The following BMPR1B variants were observed in gnomAD, a reference collection of about 807,000 sequenced individuals.
BMPR1B encodes the protein bone morphogenetic protein receptor type-1B.
BMPR1B carries 12 observed loss-of-function variants against 59.1 expected under a neutral mutation model. That is an observed-to-expected ratio of 0.20 (90% CI 0.13 to 0.33). The LOEUF (loss-of-function observed/expected upper bound fraction) is 0.33, where lower values mean the gene tolerates loss of function less well. Among genes scored for constraint, BMPR1B ranks in the 10% least tolerant of loss-of-function variants. The pLI is 1.00. For synonymous variants in BMPR1B, 237 were observed against 207.3 expected, an observed-to-expected ratio of 1.14 and a Z score of -1.23; for missense variants, 550 against 610.9, an observed-to-expected ratio of 0.90 and a Z score of 1.05.
intron 2 of BMPR1B, among the ~76,000 whole-genome samples, chr4:94,916,414 G>A (rs771025894): frequency 7.2e-5 from 11 of 152,196 alleles, no homozygotes; most frequent in Admixed American, 2.0e-4. Context: ...GGAACTTACT[G>A]GGAACTGGAC....
At chr4:94,928,544 A>G (rs750576894) in intron 2 of BMPR1B, among the ~76,000 whole-genome samples, 11 of 149,946 alleles carry the variant, frequency 7.3e-5, no homozygotes, top group Admixed American at 1.3e-4. Flanking sequence ...CCCTCCTCCT[A>G]TGTTGTCATG....
Position 95,036,236 on chromosome 4 carries a change from T to G in BMPR1B, c.-18+40102T>G, listed in dbSNP as rs1483956000. Among the ~76,000 whole-genome samples, 3 of 152,164 alleles carry G rather than the reference T, an allele frequency of 2.0e-5. No homozygotes were observed. In the East Asian group the frequency reaches 5.8e-4, roughly 29 times the overall value. ...AAGCATTTATCCTTAGTTTTACTCTTTTCATTATTTTAAAATGTATAATTA... is the reference window on the plus strand; with the variant it reads ...AAGCATTTATCCTTAGTTTTACTCTGTTCATTATTTTAAAATGTATAATTA... On this transcript the variant is annotated intron_variant, in intron 3 of 12. Coordinates refer to ENST00000515059, the MANE Select transcript of BMPR1B (RefSeq NM_001203.3).
At chr4:94,997,844 A>G (rs1369518546) in intron 3 of BMPR1B, among the ~76,000 whole-genome samples, 3 of 152,066 alleles carry the variant, frequency 2.0e-5, no homozygotes, top group African/African-American at 7.2e-5. Flanking sequence ...TTTATTCAGT[A>G]TCTTTTATTT....
At chr4:95,117,144 G>A (rs1732129432) in intron 6 of BMPR1B, among the ~76,000 whole-genome samples, 1 of 152,108 alleles carries the variant, frequency 6.6e-6, no homozygotes, top group South Asian at 2.1e-4. Context: ...AGGATGAAGA[G>A]GAGTGTGCTA....
At chr4:94,909,513 A>G (rs1289103281) in intron 2 of BMPR1B, among the ~76,000 whole-genome samples, 1 of 152,042 alleles carries the variant, frequency 6.6e-6, no homozygotes, top group East Asian at 1.9e-4. Context: ...TCTTGTAAAG[A>G]TGAAAAGATT....
At chr4:94,759,392 A>G (rs888794328) in intron 1 of BMPR1B, among the ~76,000 whole-genome samples, 4 of 152,250 alleles carry the variant, frequency 2.6e-5, no homozygotes, top group African/African-American at 7.2e-5. Flanking sequence ...AAAAGGCTCC[A>G]CTGGAAATGA....
chr4:94,933,445 G>A (rs1226196193), intron 2 of BMPR1B, among the ~76,000 whole-genome samples: 1 of 151,950 alleles, frequency 6.6e-6, no homozygotes, highest in African/African-American at 2.4e-5. Context: ...ATGTAGTTAT[G>A]TTTGCATAAT....
At chr4:94,999,427 CGT>C (rs70946577) in intron 3 of BMPR1B, among the ~76,000 whole-genome samples, 2,935 of 148,084 alleles carry the variant, frequency 0.02, 83 homozygotes, top group African/African-American at 0.066. Context: ...CAGTGTTGTG[CGT>C]GTGTGTGTGT....
intron 3 of BMPR1B, among the ~76,000 whole-genome samples, chr4:95,081,815 T>C (rs1186373861): frequency 6.6e-5 from 10 of 152,204 alleles, no homozygotes; most frequent in Admixed American, 5.2e-4. Flanking sequence ...ATTCTTAATA[T>C]GTCAATCACA....
At chr4:95,064,547 GACTGAGGACTGC>G in intron 3 of BMPR1B, among the ~76,000 whole-genome samples, 1 of 152,048 alleles carries the variant, frequency 6.6e-6, no homozygotes, top group Non-Finnish European at 1.5e-5. Flanking sequence ...GTGCCGCAAA[GACTGAGGACTGC>G]TGTTTTAGAG....
At chr4:94,814,027 A>G (rs1326306679) in intron 1 of BMPR1B, among the ~76,000 whole-genome samples, 2 of 152,202 alleles carry the variant, frequency 1.3e-5, no homozygotes, top group Non-Finnish European at 2.9e-5. Context: ...TGTATATACA[A>G]GTCGGAATCA....
At chr4:94,903,756 T>G (rs186015059) in intron 2 of BMPR1B, among the ~76,000 whole-genome samples, 21 of 152,060 alleles carry the variant, frequency 1.4e-4, no homozygotes, top group African/African-American at 3.4e-4. Flanking sequence ...GGTGTCCTTA[T>G]AAGAAGAAGG....
intron 3 of BMPR1B, among the ~76,000 whole-genome samples, chr4:95,064,085 T>G (rs1322770681): frequency 4.6e-5 from 7 of 152,150 alleles, no homozygotes; most frequent in African/African-American, 1.7e-4. Flanking sequence ...ATATCATTTA[T>G]AGGTATAGAT....
chr4:94,994,692 T>C (rs1027226726), intron 2 of BMPR1B, among the ~76,000 whole-genome samples: 49 of 140,542 alleles, frequency 3.5e-4, no homozygotes, highest in African/African-American at 1.1e-3. Context: ...TTCTTATGTG[T>C]AACTTTTTTT....
At chr4:95,088,753 A>C (rs1729770382) in intron 3 of BMPR1B, among the ~76,000 whole-genome samples, 1 of 151,986 alleles carries the variant, frequency 6.6e-6, no homozygotes, top group African/African-American at 2.4e-5. Flanking sequence ...GGGCCTATTC[A>C]TTTTGAAAGG....
chr4:94,790,050 T>G (rs1307140317), intron 1 of BMPR1B, among the ~76,000 whole-genome samples: 2 of 152,204 alleles, frequency 1.3e-5, no homozygotes, highest in Non-Finnish European at 2.9e-5. Flanking sequence ...TTTTCTTTTC[T>G]CTAGCTTACT....
At chr4:94,887,229 G>C (rs1447554450) in intron 2 of BMPR1B, among the ~76,000 whole-genome samples, 1 of 104,222 alleles carries the variant, frequency 9.6e-6, no homozygotes, top group Non-Finnish European at 1.9e-5. Context: ...GAATTTGCCA[G>C]ATTGACCAAA....
At chr4:95,134,696 C>T (rs1733637899) in intron 10 of BMPR1B, among the ~76,000 whole-genome samples, 1 of 152,130 alleles carries the variant, frequency 6.6e-6, no homozygotes, top group Non-Finnish European at 1.5e-5. Context: ...ATATCCTTCG[C>T]CCACTTTTTG....
At chr4:94,842,424 A>G (rs1725125391) in intron 1 of BMPR1B, among the ~76,000 whole-genome samples, 2 of 152,220 alleles carry the variant, frequency 1.3e-5, no homozygotes, top group Non-Finnish European at 2.9e-5. Context: ...TTTTCTAGAA[A>G]ACCATGGTTT....
Sources: allele counts gnomAD v4.1 joint callset (sites outside exome capture counted in the v4.1 genomes callset), GRCh38; gene constraint gnomAD v4.1.1; transcripts MANE v1.5; gene names NCBI Gene and HGNC (gene_info 2026-07-23, HGNC 2026-07-21).